Variants in RIPOR3 observed in about 807,000 individuals in gnomAD.
RIPOR3 encodes the protein RIPOR family member 3.
Under a neutral mutation model 114.3 loss-of-function variants are expected in RIPOR3, and 95 were observed. The observed-to-expected ratio is 0.83, with a 90% CI of 0.70 to 0.99. RIPOR3 has a LOEUF of 0.99. RIPOR3 is among the 50% of genes least tolerant of loss of function. The probability of loss-of-function intolerance (pLI) is 0.00; values close to 1 mark genes in which losing one functional copy is unlikely to be tolerated. For synonymous variants in RIPOR3, 575 were observed against 543.8 expected (o/e 1.06, Z -0.80); for missense variants, 1,252 against 1,266.9 (o/e 0.99, Z 0.18).
chr20:50,595,675 A>G (rs748419416), intron 15 of RIPOR3, among the ~76,000 whole-genome samples, 171 bp from the exon 16 acceptor site: 8 of 152,194 alleles, frequency 5.3e-5, no homozygotes, highest in Non-Finnish European at 1.2e-4. Flanking sequence ...AATGGGATGC[A>G]GGCTGGGCTG....
intron 13 of RIPOR3, among the ~76,000 whole-genome samples, chr20:50,598,761 C>T (rs374119916): frequency 3.3e-5 from 5 of 151,984 alleles, no homozygotes; most frequent in African/African-American, 4.8e-5. Context: ...AAAAATTAGC[C>T]GGGTGTGGTG....
intron 1 of RIPOR3, among the ~76,000 whole-genome samples, chr20:50,656,142 G>C (rs746141273): frequency 6.6e-6 from 1 of 151,956 alleles, no homozygotes; most frequent in Non-Finnish European, 1.5e-5. Context: ...TGAGCAGCTG[G>C]GACTACAGGC....
chr20:50,680,596 G>A (rs1422142146), intron 1 of RIPOR3, among the ~76,000 whole-genome samples: 1 of 152,196 alleles, frequency 6.6e-6, no homozygotes, highest in Non-Finnish European at 1.5e-5. Flanking sequence ...CCTGTGCGAG[G>A]CTGGTAATCT....
intron 1 of RIPOR3, among the ~76,000 whole-genome samples, chr20:50,672,182 G>A (rs1429120104): frequency 1.3e-5 from 2 of 152,162 alleles, no homozygotes; most frequent in African/African-American, 2.4e-5. Flanking sequence ...GCTGTCACAA[G>A]GCTAAGCACC....
intron 16 of RIPOR3, 187 bp from the exon 17 acceptor site, chr20:50,594,901 G>A: frequency 1.7e-6 from 1 of 593,128 alleles, no homozygotes; most frequent in Non-Finnish European, 2.9e-6. Context: ...TCTTACCAGG[G>A]CCACCACCTG....
chr20:50,610,965 C>T, intron 5 of RIPOR3, 59 bp from the exon 6 acceptor site: 2 of 1,609,902 alleles, frequency 1.2e-6, no homozygotes, highest in Non-Finnish European at 1.7e-6. Context: ...ACCTGCCCCG[C>T]TTGCCCCTGC....
At chr20:50,631,560 C>A (rs865960616) in intron 1 of RIPOR3, among the ~76,000 whole-genome samples, 6 of 152,148 alleles carry the variant, frequency 3.9e-5, no homozygotes, top group African/African-American at 1.4e-4. Context: ...CATTGGTAGC[C>A]CCAAGCAGGG....
intron 11 of RIPOR3, among the ~76,000 whole-genome samples, chr20:50,606,692 C>T (rs181659488): frequency 9.7e-4 from 147 of 151,600 alleles, no homozygotes; most frequent in African/African-American, 3.3e-3. Flanking sequence ...GCCACATGCT[C>T]GGGCCCACTC....
intron 1 of RIPOR3, among the ~76,000 whole-genome samples, chr20:50,647,582 A>T (rs902417246): frequency 1.7e-4 from 25 of 143,686 alleles, no homozygotes; most frequent in Non-Finnish European, 4.5e-5. Context: ...TCCCGGGTTC[A>T]CGCCATTCTC....
At chr20:50,599,750 C>T (rs138785473) in intron 13 of RIPOR3, among the ~76,000 whole-genome samples, 4 of 152,156 alleles carry the variant, frequency 2.6e-5, no homozygotes, top group South Asian at 2.1e-4. Flanking sequence ...TCACTCTGCC[C>T]GGCCCCAAAA....
At chr20:50,587,681 CG>C (rs1289212849) in intron 21 of RIPOR3, 120 bp downstream of exon 21, 81 of 890,532 alleles carry the variant, frequency 9.1e-5, no homozygotes, top group Non-Finnish European at 1.3e-4. Context: ...GGGCTGCTAA[CG>C]GTGCCCATCC....
chr20:50,594,780 G>C, intron 16 of RIPOR3, 66 bp from the exon 17 acceptor site: 2 of 1,546,144 alleles, frequency 1.3e-6, no homozygotes, highest in Non-Finnish European at 1.8e-6. Context: ...GACCCGAAAG[G>C]TTTCCCTCCA....
chr20:50,691,332 G>A lies in RIPOR3; in HGVS notation c.-204C>T. On this transcript the variant is annotated 5_prime_UTR_variant, in exon 1 of 22. Transcript: ENST00000327979. ...TCGCCTTGAGGACCTGCTGCGCCCC[G>A]AGTCTTCCTTCTGGTGCAGGGAGGC... 1 of 509,032 alleles carries A rather than the reference G, an allele frequency of 2.0e-6. No homozygotes were observed. The highest frequency in any genetic ancestry group is 3.2e-6 in the Non-Finnish European group (1 of 311,826). The allele number at this position is 509,032 out of a possible 1,614,324, so 31.5% of individuals were successfully genotyped here.
intron 5 of RIPOR3, 57 bp from the exon 6 acceptor site, chr20:50,610,963 C>T (rs41307179): frequency 0.066 from 106,615 of 1,611,140 alleles, 4,018 homozygotes; most frequent in Non-Finnish European, 0.078. Flanking sequence ...CCACCTGCCC[C>T]GCTTGCCCCT....
intron 2 of RIPOR3, chr20:50,620,768 C>T (rs182037372): frequency 2.2e-5 from 19 of 862,044 alleles, no homozygotes; most frequent in Admixed American, 6.2e-5. Context: ...CATGGCTCTG[C>T]GCTACCCTAT....
chr20:50,623,575 G>A (rs1487695595), intron 2 of RIPOR3, among the ~76,000 whole-genome samples: 1 of 152,176 alleles, frequency 6.6e-6, no homozygotes, highest in Non-Finnish European at 1.5e-5. Flanking sequence ...GGATGTGTGA[G>A]AGGAGGAGAA....
intron 1 of RIPOR3, among the ~76,000 whole-genome samples, chr20:50,687,153 T>C (rs1230731158): frequency 6.6e-6 from 1 of 152,220 alleles, no homozygotes; most frequent in Non-Finnish European, 1.5e-5. Context: ...CGGGAGCCGC[T>C]GCGGACAGAA....
chr20:50,604,380 C>T (rs770328770), intron 12 of RIPOR3, among the ~76,000 whole-genome samples: 9 of 152,150 alleles, frequency 5.9e-5, no homozygotes, highest in African/African-American at 1.4e-4. Flanking sequence ...TATATTAAGG[C>T]CAAGGCCATG....
intron 4 of RIPOR3, among the ~76,000 whole-genome samples, chr20:50,613,259 C>T (rs919843709): frequency 6.6e-6 from 1 of 151,860 alleles, no homozygotes; most frequent in Non-Finnish European, 1.5e-5. Flanking sequence ...ACCAGCCTGG[C>T]CAACATGGTG....
Sources: gnomAD v4.1 joint callset for allele counts (sites outside exome capture counted in the v4.1 genomes callset) on GRCh38, gnomAD v4.1.1 for gene constraint, MANE v1.5 for transcripts, NCBI Gene and HGNC (gene_info 2026-07-23, HGNC 2026-07-21) for gene names.